Variants in CACNA1C observed in about 807,000 individuals in gnomAD.
CACNA1C encodes calcium voltage-gated channel subunit alpha1 C, also known as voltage-dependent L-type calcium channel subunit alpha-1C.
CACNA1C carries 30 observed loss-of-function variants against 229.0 expected under a neutral mutation model. That is an observed-to-expected ratio of 0.13 (90% CI 0.10 to 0.18). The LOEUF (loss-of-function observed/expected upper bound fraction) is 0.18. Ranked by LOEUF, CACNA1C falls within the 10% of genes least tolerant of loss-of-function variation. CACNA1C has a pLI of 1.00. For synonymous variants in CACNA1C, 1,114 were observed against 1,132.5 expected (o/e 0.98, Z 0.33); for missense variants, 1,658 against 2,845.0 (o/e 0.58, Z 9.49).
rs2094368182 is a variant in CACNA1C, at chr12:2,646,529, T to A, written c.3913-1946T>A. The A allele has an allele frequency of 6.6e-6, 1 of 152,182 alleles. No homozygotes were observed. The highest frequency in any genetic ancestry group is 2.4e-5 in the African/African-American group (1 of 41,438). 9.4% of individuals were successfully genotyped at this position (152,182 alleles called of 1,614,324 possible). ...TCTGCCCAACACTCAGGAGTTAACA[T>A]GGTGTAGGTTACCTCCCTCTGGACC... On this transcript the variant is annotated intron_variant, in intron 30 of 46. Transcript: ENST00000399655. The surrounding 1 kb of genome is among the most constrained non-coding windows in gnomAD (Gnocchi z 4.6).
chr12:2,663,383 T>C (rs2095865032), intron 34 of CACNA1C, among the ~76,000 whole-genome samples: 1 of 152,214 alleles, frequency 6.6e-6, no homozygotes, highest in Admixed American at 6.5e-5. Flanking sequence ...GAATGTGAAC[T>C]AGTACAGCCA....
chr12:1,995,510 C>T (rs2040581870), intron 1 of CACNA1C, among the ~76,000 whole-genome samples: 1 of 152,252 alleles, frequency 6.6e-6, no homozygotes, highest in Non-Finnish European at 1.5e-5. Context: ...TACTCCACTG[C>T]TCTTCTGAGA....
At chr12:2,291,598 C>T (rs2093516977) in intron 3 of CACNA1C, among the ~76,000 whole-genome samples, 1 of 152,218 alleles carries the variant, frequency 6.6e-6, no homozygotes, top group African/African-American at 2.4e-5. Flanking sequence ...AAACTCGTCA[C>T]AGAAGTACCC....
intron 3 of CACNA1C, among the ~76,000 whole-genome samples, chr12:2,312,612 C>T (rs1294404683): frequency 1.3e-5 from 2 of 152,190 alleles, no homozygotes; most frequent in East Asian, 3.9e-4. Flanking sequence ...TGGGTGTCTG[C>T]TTTGGGTGTA....
At chr12:2,312,533 CG>C (rs1487333313) in intron 3 of CACNA1C, among the ~76,000 whole-genome samples, 4 of 152,298 alleles carry the variant, frequency 2.6e-5, no homozygotes, top group African/African-American at 9.6e-5. Flanking sequence ...CTTTGTGTCC[CG>C]CCAGAACCTC....
intron 9 of CACNA1C, among the ~76,000 whole-genome samples, chr12:2,537,445 T>G (rs145268227): frequency 2.0e-5 from 3 of 152,294 alleles, no homozygotes; most frequent in Admixed American, 2.0e-4. Context: ...TAGTGAGTGA[T>G]TGAGAGACTG....
At position 2,467,839 on chromosome 12, in the gene CACNA1C, GC is replaced by G. The variant is rs1207511519; in HGVS notation, c.757+10136del. ...AAGACGCCTGGGCCAGCAGCTCAAG[GC>G]CCACTCAGAGTCCCGACCCTGCTGC... On this transcript the variant is annotated intron_variant, in intron 5 of 46. Coordinates refer to ENST00000399655, the MANE Select transcript of CACNA1C (RefSeq NM_000719.7). This position sits in a 1 kb window ranked among gnomAD's most constrained non-coding sequence, Gnocchi z 4.6. Among the ~76,000 whole-genome samples the G allele has an allele frequency of 6.6e-6, 1 of 152,200 alleles. No individual in the cohort carries two copies. The highest frequency in any genetic ancestry group is 6.5e-5 in the Admixed American group (1 of 15,282).
At chr12:2,036,123 A>G (rs1293846941) in intron 1 of CACNA1C, among the ~76,000 whole-genome samples, 5 of 152,236 alleles carry the variant, frequency 3.3e-5, no homozygotes, top group African/African-American at 1.2e-4. Context: ...CAAGTGCTGC[A>G]TTGGTATCGT....
chr12:2,027,886 G>C (rs1441563119), intron 1 of CACNA1C, among the ~76,000 whole-genome samples: 1 of 152,230 alleles, frequency 6.6e-6, no homozygotes, highest in African/African-American at 2.4e-5. Context: ...AAAACACACA[G>C]ATTGAGAATT....
chr12:2,656,061 T>G (rs1225162419), intron 34 of CACNA1C, among the ~76,000 whole-genome samples: 1 of 152,208 alleles, frequency 6.6e-6, no homozygotes, highest in Non-Finnish European at 1.5e-5. Context: ...CTCTCACCAC[T>G]TCTATTCAAC....
In CACNA1C at chr12:2,585,133, G is replaced by A. The variant is rs568883792; in HGVS notation, c.2340-243G>A. Among the ~76,000 whole-genome samples the A allele has an allele frequency of 6.4e-4, 97 of 152,268 alleles. No homozygotes were observed. The highest frequency in any genetic ancestry group is 2.2e-3 in the African/African-American group (93 of 41,554). On this transcript the variant is annotated intron_variant, in intron 16 of 46. Coordinates refer to ENST00000399655, the MANE Select transcript of CACNA1C (RefSeq NM_000719.7). The surrounding 1 kb of genome is among the most constrained non-coding windows in gnomAD (Gnocchi z 4.1). Reference sequence around the variant, plus strand: ...ATCCACCATCCTTTTCTGCTTTGGCGACCCAGGCATCTCTGGAGCTGCAAG... The same window carrying A: ...ATCCACCATCCTTTTCTGCTTTGGCAACCCAGGCATCTCTGGAGCTGCAAG...
intron 5 of CACNA1C, among the ~76,000 whole-genome samples, chr12:2,458,953 T>C (rs2099468489): frequency 6.6e-6 from 1 of 151,278 alleles, no homozygotes; most frequent in South Asian, 2.1e-4. Context: ...GGTATATCTC[T>C]CTTGATTGTC....
rs1164028658 is a variant in CACNA1C, at chr12:2,135,592, G to A, written c.477+15162G>A. Among the ~76,000 whole-genome samples, 10 of 136,116 alleles carry A rather than the reference G, an allele frequency of 7.3e-5. 1 individual carries two copies. Among genetic ancestry groups the A allele is most frequent in the African/African-American group, 2.0e-4 (6 of 30,106 alleles). 89.3% of individuals were successfully genotyped at this position (136,116 alleles called of 152,430 possible). A position where few individuals can be genotyped will look rare whatever the true frequency, so the allele number is the denominator to read the frequency against. On this transcript the variant is annotated intron_variant, in intron 3 of 46. Transcript: ENST00000399655. ...TGAGAGGTGTCAGTCTGCCCCTGCT[G>A]GGGGGTGCCTCCCAGTTAGGCTGCT... is the stretch of plus-strand genomic sequence containing the variant.
intron 3 of CACNA1C, among the ~76,000 whole-genome samples, chr12:2,309,872 G>A (rs1166417756): frequency 6.6e-6 from 1 of 152,196 alleles, no homozygotes; most frequent in Admixed American, 6.5e-5. Flanking sequence ...ATGCTGTGGA[G>A]GAGACAGCTG....
chr12:2,061,101 TC>T (rs1565440612), intron 1 of CACNA1C, among the ~76,000 whole-genome samples: 1 of 151,380 alleles, frequency 6.6e-6, no homozygotes, highest in Non-Finnish European at 1.5e-5. Flanking sequence ...TTCATCTCTT[TC>T]TCTGAGAGTT....
chr12:1,975,816 G>A (rs2034166379), intron 1 of CACNA1C, among the ~76,000 whole-genome samples: 1 of 152,144 alleles, frequency 6.6e-6, no homozygotes, highest in Non-Finnish European at 1.5e-5. Context: ...ATGTCAGATT[G>A]TTAAGTTACA....
intron 7 of CACNA1C, among the ~76,000 whole-genome samples, chr12:2,499,665 G>A (rs1328703528): frequency 6.6e-6 from 1 of 152,064 alleles, no homozygotes; most frequent in South Asian, 2.1e-4. Context: ...CCAGTACTTG[G>A]GCCTGGAGGC....
intron 13 of CACNA1C, among the ~76,000 whole-genome samples, chr12:2,577,792 T>C (rs2058968266): frequency 6.6e-6 from 1 of 152,162 alleles, no homozygotes; most frequent in South Asian, 2.1e-4. Flanking sequence ...AGGATATAAA[T>C]GTAACAGATG....
At chr12:1,980,997 T>C (rs992808156) in intron 1 of CACNA1C, among the ~76,000 whole-genome samples, 1 of 152,126 alleles carries the variant, frequency 6.6e-6, no homozygotes, top group African/African-American at 2.4e-5. Context: ...AAAATTTATA[T>C]TATATATATG....
Sources: gnomAD v4.1 joint callset for allele counts (sites outside exome capture counted in the v4.1 genomes callset) on GRCh38, gnomAD v4.1.1 for gene constraint, Gnocchi (gnomAD v3.1) non-coding constraint, MANE v1.5 for transcripts, NCBI Gene and HGNC (gene_info 2026-07-23, HGNC 2026-07-21) for gene names.